SCN11A: variants seen among roughly 807,000 people sequenced by gnomAD.
SCN11A encodes sodium voltage-gated channel alpha subunit 11.
Under a neutral mutation model 162.2 loss-of-function variants are expected in SCN11A, and 122 were observed. The observed-to-expected ratio is 0.75, with a 90% CI of 0.65 to 0.87. SCN11A has a LOEUF of 0.87. Among genes scored for constraint, SCN11A ranks in the 40% least tolerant of loss-of-function variants. The probability of loss-of-function intolerance (pLI) is 0.00; values close to 1 mark genes in which losing one functional copy is unlikely to be tolerated. For missense variants in SCN11A, 2,015 were observed against 2,181.6 expected, an observed-to-expected ratio of 0.92 and a Z score of 1.52; for synonymous variants, 758 against 751.5, an observed-to-expected ratio of 1.01 and a Z score of -0.14.
In SCN11A at chr3:39,039,544, G is replaced by A. The variant is rs550290993; in HGVS notation, c.-403-7041C>T. ...CCACCATGCCCATACAGAAGACTGAGTGCCAGTATCCCAGCCAGACCTAGC... is the reference window on the plus strand; with the variant it reads ...CCACCATGCCCATACAGAAGACTGAATGCCAGTATCCCAGCCAGACCTAGC... On this transcript the variant is annotated intron_variant, in intron 1 of 29. Coordinates refer to ENST00000302328, the MANE Select transcript of SCN11A (RefSeq NM_001349253.2). 6.8e-4 allele frequency among the ~76,000 whole-genome samples: 103 copies of A among 152,252 alleles called. 1 individual carries two copies. The Middle Eastern group carries it at 0.01, about 15-fold the overall frequency.
At chr3:39,041,101 A>G (rs2032040986) in intron 1 of SCN11A, among the ~76,000 whole-genome samples, 4 of 152,132 alleles carry the variant, frequency 2.6e-5, no homozygotes, top group Admixed American at 2.6e-4. Context: ...AAACAAAAGG[A>G]AAATAATTTC....
chr3:38,865,791 T>C lies in SCN11A; in HGVS notation c.3951+1530A>G, dbSNP rs7615190. 9.0e-3 allele frequency among the ~76,000 whole-genome samples: 1,369 copies of C among 152,202 alleles called. 28 individuals are homozygous for C. Among genetic ancestry groups the C allele is most frequent in the African/African-American group, 0.031 (1,302 of 41,526 alleles). On this transcript the variant is annotated intron_variant, in intron 27 of 29. Transcript: ENST00000302328. Reference sequence around the variant, plus strand: ...AAATAAAAAACTCTTAAAGGAGAAATACTTGTGGCCATCAACCTGTGAAAA... The same window carrying C: ...AAATAAAAAACTCTTAAAGGAGAAACACTTGTGGCCATCAACCTGTGAAAA...
chr3:39,020,434 A>C (rs1482030265), intron 2 of SCN11A, among the ~76,000 whole-genome samples: 2 of 150,720 alleles, frequency 1.3e-5, no homozygotes, highest in African/African-American at 5.0e-5. Flanking sequence ...AAGAACCTGT[A>C]CATTTCTCTG....
At chr3:38,942,780 TAAG>T (rs559164274) in intron 7 of SCN11A, among the ~76,000 whole-genome samples, 1 of 152,046 alleles carries the variant, frequency 6.6e-6, no homozygotes, top group Non-Finnish European at 1.5e-5. Flanking sequence ...GCTTCCAACT[TAAG>T]AAGCTAGAAA....
intron 27 of SCN11A, 59 bp from the exon 28 acceptor site, chr3:38,863,358 G>T: frequency 6.1e-6 from 5 of 819,756 alleles, no homozygotes; most frequent in South Asian, 1.6e-5. Flanking sequence ...ATCTAGTTCT[G>T]AATTTTTTGA....
intron 2 of SCN11A, among the ~76,000 whole-genome samples, chr3:38,963,370 TATATATATATATATATGATGGAG>T (rs1470519626): frequency 4.1e-3 from 352 of 85,098 alleles, no homozygotes; most frequent in Middle Eastern, 0.017. Context: ...TATATATATA[TATATATATATATATATGATGGAG>T]ATATATATAT....
At chr3:39,046,904 T>TA (rs1192249110) in intron 1 of SCN11A, among the ~76,000 whole-genome samples, 1 of 150,254 alleles carries the variant, frequency 6.7e-6, no homozygotes, top group South Asian at 2.1e-4. Flanking sequence ...TATTTTTTGA[T>TA]AAAGACTGGT....
chr3:38,905,139 T>G, intron 15 of SCN11A, 53 bp downstream of exon 15: 1 of 1,611,032 alleles, frequency 6.2e-7, no homozygotes, highest in East Asian at 2.2e-5. Flanking sequence ...AGAAGAAGAA[T>G]GGAAGGACAT....
At chr3:38,946,559 TA>T (rs1235013351) in intron 6 of SCN11A, among the ~76,000 whole-genome samples, 3 of 152,198 alleles carry the variant, frequency 2.0e-5, no homozygotes, top group Non-Finnish European at 4.4e-5. Flanking sequence ...CCAATCTCAC[TA>T]AAGAAGTTGC....
At chr3:39,046,855 G>A (rs113417360) in intron 1 of SCN11A, among the ~76,000 whole-genome samples, 12,522 of 152,102 alleles carry the variant, frequency 0.082, 729 homozygotes, top group African/African-American at 0.16. Context: ...TGAGTAGCTA[G>A]GACTACAGGC....
chr3:39,012,506 A>C (rs540601066), intron 2 of SCN11A, among the ~76,000 whole-genome samples: 5 of 116,276 alleles, frequency 4.3e-5, no homozygotes, highest in Non-Finnish European at 8.5e-5. Flanking sequence ...TTTTTGACAG[A>C]ATCTTGTTCT....
At chr3:39,021,683 T>G (rs1226996723) in intron 2 of SCN11A, among the ~76,000 whole-genome samples, 1 of 152,112 alleles carries the variant, frequency 6.6e-6, no homozygotes, top group Non-Finnish European at 1.5e-5. Flanking sequence ...TTCTTTGCAA[T>G]GGGCCTTTTC....
At chr3:38,939,130 T>G (rs1016695685) in intron 7 of SCN11A, among the ~76,000 whole-genome samples, 10 of 152,086 alleles carry the variant, frequency 6.6e-5, no homozygotes, top group African/African-American at 2.4e-4. Flanking sequence ...TAGAGATTGC[T>G]CCACTGCACT....
chr3:38,848,358 G>A (rs1410710223), intron 29 of SCN11A, among the ~76,000 whole-genome samples: 1 of 152,112 alleles, frequency 6.6e-6, no homozygotes, highest in East Asian at 1.9e-4. Context: ...TGTAGACATG[G>A]CCTTGTTCTT....
chr3:39,044,885 AAAGAT>A (rs1426695088), intron 1 of SCN11A, among the ~76,000 whole-genome samples: 8 of 152,182 alleles, frequency 5.3e-5, no homozygotes, highest in Non-Finnish European at 8.8e-5. Flanking sequence ...AGTTTTTTGA[AAAGAT>A]AATATCCACA....
At chr3:39,000,807 C>G (rs4417807) in intron 2 of SCN11A, among the ~76,000 whole-genome samples, 1 of 152,168 alleles carries the variant, frequency 6.6e-6, no homozygotes, top group Non-Finnish European at 1.5e-5. Context: ...GAGGCCAAGG[C>G]GGGTGGATCA....
chr3:39,008,153 C>T (rs896793302), intron 2 of SCN11A, among the ~76,000 whole-genome samples: 2 of 152,140 alleles, frequency 1.3e-5, no homozygotes, highest in African/African-American at 4.8e-5. Context: ...GTAACAGGAT[C>T]AGTAATCACA....
chr3:39,024,749 A>C (rs1349989405), intron 2 of SCN11A, among the ~76,000 whole-genome samples: 1 of 152,238 alleles, frequency 6.6e-6, no homozygotes, highest in Non-Finnish European at 1.5e-5. Flanking sequence ...GAAGGAATGC[A>C]TGCTCAGAGA....
chr3:38,957,776 C>T (rs1384550468), intron 3 of SCN11A, among the ~76,000 whole-genome samples: 2 of 152,246 alleles, frequency 1.3e-5, no homozygotes, highest in Admixed American at 6.5e-5. Context: ...TTAGGCCTGA[C>T]CTCCCATGGT....
Sources: gnomAD v4.1 joint callset for allele counts (sites outside exome capture counted in the v4.1 genomes callset) on GRCh38, gnomAD v4.1.1 for gene constraint, MANE v1.5 for transcripts, NCBI Gene and HGNC (gene_info 2026-07-23, HGNC 2026-07-21) for gene names.